Variants in CD163L1 observed in about 807,000 individuals in gnomAD.
The protein encoded by CD163L1 is CD163 molecule like 1.
Under a neutral mutation model 165.4 loss-of-function variants are expected in CD163L1, and 124 were observed. The observed-to-expected ratio is 0.75, with a 90% CI of 0.65 to 0.87. CD163L1 has a LOEUF of 0.87. Among genes scored for constraint, CD163L1 ranks in the 40% least tolerant of loss-of-function variants. CD163L1 has a pLI of 0.00. For missense variants in CD163L1, 1,525 were observed against 1,799.9 expected (o/e 0.85, Z 2.76); for synonymous variants, 585 against 662.2 (o/e 0.88, Z 1.79).
At chr12:7,384,793 A>G (rs1410268252) in intron 8 of CD163L1, among the ~76,000 whole-genome samples, 3 of 152,234 alleles carry the variant, frequency 2.0e-5, no homozygotes, top group South Asian at 2.1e-4. Flanking sequence ...AGAAACACTT[A>G]AGGAAATCTA....
At chr12:7,421,525 A>G (rs1466897721) in intron 4 of CD163L1, among the ~76,000 whole-genome samples, 1 of 119,124 alleles carries the variant, frequency 8.4e-6, no homozygotes, top group Non-Finnish European at 1.6e-5. Flanking sequence ...ATATATGTAC[A>G]TATATACATA....
At chr12:7,440,142 C>T (rs1276674933) in intron 2 of CD163L1, among the ~76,000 whole-genome samples, 1 of 152,264 alleles carries the variant, frequency 6.6e-6, no homozygotes, top group Non-Finnish European at 1.5e-5. Flanking sequence ...GGCCACGTCC[C>T]GCTCAGGCTC....
Position 7,381,657 on chromosome 12 carries a change from T to C in CD163L1, c.2051-2359A>G, listed in dbSNP as rs1179277793. Among the ~76,000 whole-genome samples, 3 of 152,118 alleles carry C rather than the reference T, an allele frequency of 2.0e-5. No individual in the cohort carries two copies. The East Asian group carries it at 5.8e-4, about 29-fold the overall frequency. On this transcript the variant is annotated intron_variant, in intron 8 of 19. Coordinates refer to ENST00000313599, the MANE Select transcript of CD163L1 (RefSeq NM_174941.6). ...GAAATTTTTTTAAATGGGGTTTATT[T>C]TAGATACTGACGTTTAGAGAGCTAT...
chr12:7,375,646 C>T, intron 10 of CD163L1, 51 bp from the exon 11 acceptor site: 5 of 1,609,872 alleles, frequency 3.1e-6, no homozygotes, highest in Non-Finnish European at 4.2e-6. Flanking sequence ...TCAGCTCCAG[C>T]CCCAAACTCC....
downstream of CD163L1, among the ~76,000 whole-genome samples, chr12:7,349,997 C>T (rs1421301497): frequency 6.6e-6 from 1 of 152,140 alleles, no homozygotes. Flanking sequence ...GCAAAAAATG[C>T]AGGACCCGGG....
chr12:7,335,094 C>T, the CD163L1 span, among the ~76,000 whole-genome samples: 87 of 150,970 alleles, frequency 5.8e-4, 2 homozygotes, highest in East Asian at 0.015. Context: ...TCAATGCCAT[C>T]CCCATCAAGC....
intron 6 of CD163L1, among the ~76,000 whole-genome samples, chr12:7,399,511 C>CTTCCTCTTCCTCCCTTTCCCTTCTTT (rs1947872311): frequency 6.9e-6 from 1 of 145,020 alleles, no homozygotes; most frequent in Non-Finnish European, 1.5e-5. Context: ...TTCCCTCCCT[C>CTTCCTCTTCCTCCCTTTCCCTTCTTT]CCTCCCTCTC....
chr12:7,398,015 C>G lies in CD163L1; in HGVS notation c.1729+249G>C. ...GCCTACACTTAATGAAGTTAAAAGG[C>G]CAAACTGCTTCTGTATATGGTAGGG... On this transcript the variant is annotated intron_variant, in intron 7 of 19. Coordinates refer to ENST00000313599, the MANE Select transcript of CD163L1 (RefSeq NM_174941.6). This position sits in a 1 kb window ranked among gnomAD's most constrained non-coding sequence, Gnocchi z 4.5. Among the ~76,000 whole-genome samples, 1 of 152,102 alleles carries G rather than the reference C, an allele frequency of 6.6e-6. No homozygotes were observed. The highest frequency in any genetic ancestry group is 1.9e-4 in the East Asian group (1 of 5,182).
intron 2 of CD163L1, chr12:7,438,725 GA>G: frequency 1.0e-6 from 1 of 964,182 alleles, no homozygotes; most frequent in East Asian, 2.6e-5. Context: ...CCTTGCTTGT[GA>G]AATGTCTTGG....
At chr12:7,378,365 C>T (rs1418754136) in intron 9 of CD163L1, among the ~76,000 whole-genome samples, 1 of 152,050 alleles carries the variant, frequency 6.6e-6, no homozygotes, top group South Asian at 2.1e-4. Context: ...ACACACACAC[C>T]CCACACTGCA....
intron 19 of CD163L1, 61 bp downstream of exon 19, chr12:7,357,319 A>G (rs965423657): frequency 1.5e-5 from 16 of 1,076,518 alleles, no homozygotes; most frequent in Non-Finnish European, 2.3e-5. Context: ...AATGTATTTA[A>G]TTCTGCGACA....
In CD163L1 at chr12:7,369,442, A is replaced by G. The variant is rs375719648; in HGVS notation, c.3954T>C (p.Asn1318=). 3.7e-6 allele frequency: 6 copies of G among 1,614,034 alleles called. No homozygotes were observed. The highest frequency in any genetic ancestry group is 5.1e-6 in the Non-Finnish European group (6 of 1,179,966). ...IWLDDMRCKG[N]ESFLWDCHAK... ...CGTGACAGTCCCATAGAAATGACTC[A>G]TTTCCTTTGCACCGCATGTCATCCA... Residue 1318 remains asparagine (N), a synonymous_variant, in exon 15 of 20, where the codon AAT becomes AAC. Coordinates refer to ENST00000313599, the MANE Select transcript of CD163L1 (RefSeq NM_174941.6). The surrounding 1 kb of genome is among the most constrained non-coding windows in gnomAD (Gnocchi z 4.9).
the CD163L1 span, among the ~76,000 whole-genome samples, chr12:7,320,293 C>T: frequency 6.6e-6 from 1 of 152,100 alleles, no homozygotes; most frequent in Admixed American, 6.5e-5. Context: ...CTGAAAAAGA[C>T]TAATGTATTT....
At chr12:7,322,659 T>G in the CD163L1 span, 6,043 of 967,676 alleles carry the variant, frequency 6.2e-3, no homozygotes, top group Non-Finnish European at 8.0e-3. Context: ...TTTCCCGGGA[T>G]ACCTCACCTT....
rs577524371 is a variant in CD163L1, at chr12:7,421,484, C to T, written c.766+10932G>A. ...ATATACATATATATACATATATGTACATATATACATATATGTACATATACA... is the reference window on the plus strand; with the variant it reads ...ATATACATATATATACATATATGTATATATATACATATATGTACATATACA... On this transcript the variant is annotated intron_variant, in intron 4 of 19. Transcript: ENST00000313599. 4.1e-3 allele frequency among the ~76,000 whole-genome samples: 415 copies of T among 100,352 alleles called. 16 individuals are homozygous for T. Among genetic ancestry groups the T allele is most frequent in the South Asian group, 6.5e-3 (19 of 2,930 alleles). 65.8% of individuals were successfully genotyped at this position (100,352 alleles called of 152,430 possible).
intron 4 of CD163L1, among the ~76,000 whole-genome samples, chr12:7,412,730 C>A (rs1160495620): frequency 1.3e-5 from 2 of 152,050 alleles, no homozygotes; most frequent in Non-Finnish European, 2.9e-5. Context: ...CCTCATATCT[C>A]CCACAGAAAG....
chr12:7,421,509 A>ATATATACATATACG (rs1565810340), intron 4 of CD163L1, among the ~76,000 whole-genome samples: 2 of 86,690 alleles, frequency 2.3e-5, no homozygotes, highest in Non-Finnish European at 4.3e-5. Context: ...GTACATATAC[A>ATATATACATATACG]TATACATATA....
chr12:7,322,301 C>G, the CD163L1 span: 6 of 1,421,468 alleles, frequency 4.2e-6, no homozygotes, highest in Non-Finnish European at 4.9e-6. Context: ...GTTGAATGAA[C>G]TTTGCTAAGA....
intron 18 of CD163L1, 78 bp downstream of exon 18, chr12:7,367,158 G>A: frequency 1.3e-6 from 1 of 770,224 alleles, no homozygotes. Context: ...TCCATCGAGT[G>A]GGAGTTCCTA....
Sources: allele counts gnomAD v4.1 joint callset (sites outside exome capture counted in the v4.1 genomes callset), GRCh38; gene constraint gnomAD v4.1.1; non-coding constraint Gnocchi (gnomAD v3.1); transcripts MANE v1.5; gene names NCBI Gene and HGNC (gene_info 2026-07-23, HGNC 2026-07-21).